The following PARP9 variants were observed in gnomAD, a reference collection of about 807,000 sequenced individuals.
PARP9 encodes the protein poly(ADP-ribose) polymerase family member 9.
A neutral mutation model predicts 68.8 loss-of-function variants in PARP9; 48 were observed. That is an observed-to-expected ratio of 0.70 (90% CI 0.55 to 0.89). The LOEUF (loss-of-function observed/expected upper bound fraction) is 0.89, where lower values mean the gene tolerates loss of function less well. Ranked by LOEUF, PARP9 falls within the 40% of genes least tolerant of loss-of-function variation. The pLI, the probability that PARP9 is intolerant of heterozygous loss-of-function variation, is 0.00. For synonymous variants in PARP9, 309 were observed against 333.8 expected (o/e 0.93, Z 0.81); for missense variants, 806 against 969.3 (o/e 0.83, Z 2.24).
In PARP9 at chr3:122,555,380, C is replaced by T; in HGVS notation, c.791G>A (p.Ser264Asn). 1 of 1,614,162 alleles carries T rather than the reference C, an allele frequency of 6.2e-7. No homozygotes were observed. Among genetic ancestry groups the T allele is most frequent in the South Asian group, 1.1e-5 (1 of 91,084 alleles). ...KAASEFILGKSELGQETTPSF... is the reference protein window; with the variant it reads ...KAASEFILGKNELGQETTPSF... Reference sequence around the variant, plus strand: ...AGGGGTGGTTTCTTGTCCCAGCTCACTCTTCCCTAGGATGAATTCTGAAGC... The same window carrying T: ...AGGGGTGGTTTCTTGTCCCAGCTCATTCTTCCCTAGGATGAATTCTGAAGC... Residue 264 changes from serine to asparagine, a missense_variant, in exon 4 of 11, where the codon AGT (serine) becomes AAT (asparagine). This residue lies in a region of PARP9 where 680 missense variants were observed against 858.8 expected (regional missense o/e 0.79). Transcript: ENST00000682323.
Position 122,550,840 on chromosome 3 carries a change from C to A in PARP9, c.1108-38G>T. 3 of 1,550,398 alleles carry A rather than the reference C, an allele frequency of 1.9e-6. No individual in the cohort carries two copies. The South Asian group carries it at 3.4e-5, about 18-fold the overall frequency. ...ACAAATTTAAGATCAGCATTTGAGT[C>A]AAGAACAAGACTCCACTTACCCCTT... On this transcript the variant is annotated intron_variant, in intron 5 of 10. Coordinates refer to ENST00000682323, the MANE Select transcript of PARP9 (RefSeq NM_001146105.2).
intron 10 of PARP9, chr3:122,532,180 C>CA (rs1303263090): frequency 2.0e-6 from 2 of 985,366 alleles, no homozygotes; most frequent in East Asian, 2.3e-4. Flanking sequence ...ACCCTGCATT[C>CA]AGCTTGGAGG....
In PARP9 at chr3:122,528,040, A is replaced by C. The variant is rs1012394033; in HGVS notation, c.*324T>G. 5.7e-6 allele frequency: 1 copy of C among 174,908 alleles called. No individual in the cohort carries two copies. Among genetic ancestry groups the C allele is most frequent in the African/African-American group, 2.4e-5 (1 of 42,440 alleles). The allele number at this position is 174,908 out of a possible 1,614,324, so 10.8% of individuals were successfully genotyped here. A position where few individuals can be genotyped will look rare whatever the true frequency, so the allele number is the denominator to read the frequency against. On this transcript the variant is annotated 3_prime_UTR_variant, in exon 11 of 11. Transcript: ENST00000682323. ...TATACTATCATCATTTTAGAAAATAAAAGGCCTGCGTTATATACTAGAAAA... is the reference window on the plus strand; with the variant it reads ...TATACTATCATCATTTTAGAAAATACAAGGCCTGCGTTATATACTAGAAAA...
At position 122,556,004 on chromosome 3, in the gene PARP9, C is replaced by T. The variant is rs369670658; in HGVS notation, c.167G>A (p.Cys56Tyr). The T allele has an allele frequency of 3.1e-6, 5 of 1,613,876 alleles. No individual in the cohort carries two copies. The African/African-American group carries it at 4.0e-5, about 13-fold the overall frequency. ...AACTGGAGAGACCAGGGTAGAGATACAGCCAAACTTATTCTGGAGGACTTC... is the reference window on the plus strand; with the variant it reads ...AACTGGAGAGACCAGGGTAGAGATATAGCCAAACTTATTCTGGAGGACTTC... ...LCEVLQNKFG[C>Y]ISTLVSPVQE... is the part of the protein sequence containing the mutation. Residue 56 changes from cysteine to tyrosine, a missense_variant, in exon 4 of 11, where the codon TGT (cysteine) becomes TAT (tyrosine). Cys to Tyr is a radical substitution (Grantham distance 194). Around this residue, in one of 2 missense-constraint regions of PARP9, gnomAD observed 126 missense variants for 110.5 expected, o/e 1.14. Transcript: ENST00000682323.
chr3:122,540,216 T>A (rs1040607641), intron 8 of PARP9, among the ~76,000 whole-genome samples: 1 of 152,232 alleles, frequency 6.6e-6, no homozygotes, highest in Non-Finnish European at 1.5e-5. Context: ...CAAAATTCCA[T>A]GTAATTGCCT....
chr3:122,564,522 C>T (rs773876302), upstream of PARP9: 4 of 1,611,682 alleles, frequency 2.5e-6, no homozygotes, highest in Admixed American at 6.7e-5. Context: ...ACTTCCAGAG[C>T]TCTAAGTCCT....
chr3:122,550,537 A>C (rs752628019), intron 6 of PARP9, 47 bp downstream of exon 6: 1 of 1,360,316 alleles, frequency 7.4e-7, no homozygotes, highest in Non-Finnish European at 1.0e-6. Context: ...TGCTGAATGA[A>C]TGAATGAATG....
At chr3:122,548,079 G>A (rs1007752071) in intron 6 of PARP9, among the ~76,000 whole-genome samples, 5 of 152,210 alleles carry the variant, frequency 3.3e-5, no homozygotes, top group Non-Finnish European at 7.3e-5. Context: ...AATGACTCAA[G>A]ACAGCTTGCT....
rs943407968 is a variant in PARP9, at chr3:122,534,871, G to A, written c.2080+1297C>T. On this transcript the variant is annotated intron_variant, in intron 10 of 10. Coordinates refer to ENST00000682323, the MANE Select transcript of PARP9 (RefSeq NM_001146105.2). ...AGCCTGAGTGACAGAGCAAGACTCCGTCTCAGAAAAATAAATAAATAAATA... is the reference window on the plus strand; with the variant it reads ...AGCCTGAGTGACAGAGCAAGACTCCATCTCAGAAAAATAAATAAATAAATA... 25 of 925,068 alleles carry A rather than the reference G, an allele frequency of 2.7e-5. No homozygotes were observed. In the East Asian group the frequency reaches 4.7e-4, roughly 17 times the overall value. 57.3% of individuals were successfully genotyped at this position (925,068 alleles called of 1,614,324 possible).
In PARP9 at chr3:122,550,738, GA is replaced by G; in HGVS notation, c.1171del (p.Ser391ProfsTer12). On this transcript the variant is annotated frameshift_variant, in exon 6 of 11. Transcript: ENST00000682323. LOFTEE classifies it high-confidence loss of function. ...GTTTCCAGTCCCAAGGGCAGGAAAG[GA>G]AATGGAAGTTATATTTTGCTCAATG... Reference protein sequence around the residue: ...KCIEQNITSISFPALGTGNME... With the variant: ...KCIEQNITSIXFPALGTGNME... 6.2e-7 allele frequency: 1 copy of G among 1,614,088 alleles called. No homozygotes were observed. Among genetic ancestry groups the G allele is most frequent in the Non-Finnish European group, 8.5e-7 (1 of 1,180,010 alleles).
intron 9 of PARP9, chr3:122,536,647 AAC>A (rs2077665942): frequency 5.5e-6 from 3 of 542,060 alleles, no homozygotes; most frequent in Admixed American, 3.6e-5. Flanking sequence ...AAACAATTAT[AAC>A]ACAGTGTGAT....
intron 5 of PARP9, 120 bp downstream of exon 5, chr3:122,552,298 G>A: frequency 2.7e-6 from 2 of 729,942 alleles, no homozygotes; most frequent in South Asian, 4.3e-5. Flanking sequence ...GCTAAAAATT[G>A]AGAACTATAC....
At chr3:122,533,507 C>T (rs2077441481) in intron 10 of PARP9, 1 of 221,872 alleles carries the variant, frequency 4.5e-6, no homozygotes, top group Non-Finnish European at 7.6e-6. Context: ...GGTGCCATCA[C>T]CAAGGGGGAC....
At chr3:122,543,704 C>T (rs1039471560) in intron 7 of PARP9, among the ~76,000 whole-genome samples, 2 of 152,194 alleles carry the variant, frequency 1.3e-5, no homozygotes, top group African/African-American at 2.4e-5. Context: ...TTGACCTCCC[C>T]GGGCTTAGGT....
chr3:122,530,176 CA>C (rs11295677), intron 10 of PARP9, among the ~76,000 whole-genome samples: 38,090 of 82,418 alleles, frequency 0.46, 4,782 homozygotes, highest in East Asian at 0.58. Context: ...GGCCCTGTCT[CA>C]AAAAAAAAAA....
Position 122,536,174 on chromosome 3 carries a change from G to A in PARP9, c.2074C>T (p.Pro692Ser). ...RVGFQRMYST[P>S]CDPKYGAGIY... ...ATGAGGCATTGACACCTACCGCAAGGTGTCGAGTACATTCTTTGAAAGCCA... is the reference window on the plus strand; with the variant it reads ...ATGAGGCATTGACACCTACCGCAAGATGTCGAGTACATTCTTTGAAAGCCA... The change falls in exon 10 of 11, where the codon CCT (proline) becomes TCT (serine). Residue 692 changes from proline (P) to serine (S), a missense_variant. Physicochemically the swap from Pro to Ser is moderately conservative, Grantham distance 74. This residue lies in a region of PARP9 where 680 missense variants were observed against 858.8 expected (regional missense o/e 0.79). Coordinates refer to ENST00000682323, the MANE Select transcript of PARP9 (RefSeq NM_001146105.2). The A allele has an allele frequency of 6.2e-7, 1 of 1,614,106 alleles. No homozygotes were observed.
intron 1 of PARP9, among the ~76,000 whole-genome samples, chr3:122,560,271 A>T (rs1350464516): frequency 2.0e-5 from 3 of 152,230 alleles, no homozygotes; most frequent in Non-Finnish European, 4.4e-5. Context: ...TCCATCTAAT[A>T]GGTAGGAATT....
rs771157711 is a variant in PARP9 at position 122,528,518 on chromosome 3, G to T, written c.2306C>A (p.Thr769Asn). The stretch of plus-strand genomic sequence containing the variant: ...CTGCATGCCACTAAAAATAACAAAG[G>T]TTTCAGGGCTGGAGACATTGTCAAC... Reference protein sequence around the residue: ...SVVDNVSSPETFVIFSGMQAI... With the variant: ...SVVDNVSSPENFVIFSGMQAI... The change falls in exon 11 of 11, where the codon ACC (threonine) becomes AAC (asparagine). Residue 769 changes from threonine to asparagine, a missense_variant. By Grantham distance (65) the Thr-to-Asn change is moderately conservative. Transcript: ENST00000682323. 2.5e-6 allele frequency: 4 copies of T among 1,614,156 alleles called. No homozygotes were observed. In the South Asian group the frequency reaches 4.4e-5, roughly 18 times the overall value.
At chr3:122,545,347 T>G in intron 7 of PARP9, 85 bp downstream of exon 7, 3 of 1,376,298 alleles carry the variant, frequency 2.2e-6, no homozygotes, top group Admixed American at 1.7e-5. Flanking sequence ...ATTCTTCTTC[T>G]CCCCTCCGTT....
Sources: allele counts gnomAD v4.1 joint callset (sites outside exome capture counted in the v4.1 genomes callset), GRCh38; gene constraint gnomAD v4.1.1; regional missense constraint gnomAD v4.1.1; transcripts MANE v1.5; gene names NCBI Gene and HGNC (gene_info 2026-07-23, HGNC 2026-07-21).